PDE1A: variants seen among roughly 807,000 people sequenced by gnomAD.
PDE1A encodes the protein phosphodiesterase 1A.
Under a neutral mutation model 61.7 loss-of-function variants are expected in PDE1A, and 35 were observed. The ratio of observed to expected loss-of-function variants is 0.57; its 90% confidence interval spans 0.43 to 0.75. PDE1A has a LOEUF of 0.75. Ranked by LOEUF, PDE1A falls within the 30% of genes least tolerant of loss-of-function variation. The pLI is 0.00. For missense variants in PDE1A, 597 were observed against 630.6 expected (o/e 0.95, Z 0.57); for synonymous variants, 232 against 213.2 (o/e 1.09, Z -0.77).
intron 1 of PDE1A, among the ~76,000 whole-genome samples, chr2:182,280,139 G>GT (rs139848968): frequency 0.076 from 11,511 of 151,604 alleles, 656 homozygotes; most frequent in Admixed American, 0.18. Context: ...ATGCCTTTGG[G>GT]TTTTTTTTAT....
chr2:182,560,327 C>T, the PDE1A span, among the ~76,000 whole-genome samples: 4 of 149,682 alleles, frequency 2.7e-5, no homozygotes, highest in Non-Finnish European at 3.0e-5. Context: ...GGTTTTTTGT[C>T]CTTGCGATAG....
chr2:182,645,142 C>T, the PDE1A span, among the ~76,000 whole-genome samples: 1 of 151,986 alleles, frequency 6.6e-6, no homozygotes, highest in African/African-American at 2.4e-5. Context: ...CCCGCCACCA[C>T]ACCCAGCTAA....
At chr2:182,451,694 T>C (rs934565576) in intron 2 of PDE1A, among the ~76,000 whole-genome samples, 15 of 152,132 alleles carry the variant, frequency 9.9e-5, no homozygotes, top group Non-Finnish European at 2.1e-4. Flanking sequence ...ACCTATACTC[T>C]AGTTGCTTAA....
At chr2:182,309,555 T>C (rs1319206024) in intron 1 of PDE1A, among the ~76,000 whole-genome samples, 2 of 152,094 alleles carry the variant, frequency 1.3e-5, no homozygotes, top group Non-Finnish European at 2.9e-5. Flanking sequence ...TCTAAGAGTA[T>C]AAAGCATTAA....
chr2:182,409,197 C>G (rs183781862), intron 1 of PDE1A, among the ~76,000 whole-genome samples: 3 of 152,158 alleles, frequency 2.0e-5, no homozygotes, highest in South Asian at 4.1e-4. Context: ...CCTTTTTCCA[C>G]GTCGATTAGC....
rs555224042 is a variant in PDE1A, at chr2:182,141,598, A to G, written c.*1484T>C. The G allele has an allele frequency of 6.6e-5, 10 of 152,366 alleles. No individual in the cohort carries two copies. The East Asian group carries it at 1.9e-3, about 29-fold the overall frequency. 9.4% of individuals were successfully genotyped at this position (152,366 alleles called of 1,614,324 possible). A position where few individuals can be genotyped will look rare whatever the true frequency, so the allele number is the denominator to read the frequency against. ...AATATATCTTAAATTACAATGATGC[A>G]TAATAAATATGCATATAGAATATGG... is the stretch of plus-strand genomic sequence containing the variant. On this transcript the variant is annotated 3_prime_UTR_variant, in exon 15 of 15. Coordinates refer to the PDE1A transcript ENST00000435564.
At chr2:182,558,303 T>G in the PDE1A span, among the ~76,000 whole-genome samples, 1 of 151,980 alleles carries the variant, frequency 6.6e-6, no homozygotes, top group East Asian at 1.9e-4. Flanking sequence ...ATCTAATATA[T>G]ATTATGGCGT....
chr2:182,193,725 A>G (rs576308194), intron 10 of PDE1A, among the ~76,000 whole-genome samples: 1 of 152,256 alleles, frequency 6.6e-6, no homozygotes, highest in South Asian at 2.1e-4. Context: ...ATATAACTAT[A>G]TTTCTGTGAA....
At chr2:182,606,091 T>C in the PDE1A span, among the ~76,000 whole-genome samples, 85,105 of 152,070 alleles carry the variant, frequency 0.56, 24,175 homozygotes, top group Admixed American at 0.67. Flanking sequence ...CTGTGGAAGA[T>C]AGGTATGAAA....
At chr2:182,411,073 A>T (rs1446868354) in intron 1 of PDE1A, among the ~76,000 whole-genome samples, 1 of 152,272 alleles carries the variant, frequency 6.6e-6, no homozygotes, top group Non-Finnish European at 1.5e-5. Context: ...TGTAAGTAGA[A>T]GCCAGATCAA....
chr2:182,383,022 C>A (rs1700820090), intron 1 of PDE1A, among the ~76,000 whole-genome samples: 1 of 152,100 alleles, frequency 6.6e-6, no homozygotes, highest in Non-Finnish European at 1.5e-5. Flanking sequence ...TACGTTAAAA[C>A]CCCAATTAAA....
exon 9 of PDE1A, chr2:182,201,745 A>G (rs1297399611): frequency 1.2e-6 from 2 of 1,612,520 alleles, no homozygotes; most frequent in Non-Finnish European, 8.5e-7. Context: ...GTGACCTGAC[A>G]TGTCTGTAGA....
the PDE1A span, among the ~76,000 whole-genome samples, chr2:182,567,523 T>C: frequency 1.3e-5 from 2 of 152,100 alleles, no homozygotes; most frequent in Non-Finnish European, 2.9e-5. Flanking sequence ...ATATGTCTTC[T>C]CGTCTTCCTT....
At chr2:182,536,014 T>C in the PDE1A span, among the ~76,000 whole-genome samples, 1 of 151,950 alleles carries the variant, frequency 6.6e-6, no homozygotes, top group Non-Finnish European at 1.5e-5. Context: ...AAATAGCGAG[T>C]AGGGTCACTG....
rs780012340 is a variant in PDE1A at position 182,201,431 on chromosome 2, A to G, written c.1125+8T>C. 10 of 1,613,732 alleles carry G rather than the reference A, an allele frequency of 6.2e-6. No homozygotes were observed. Among genetic ancestry groups the G allele is most frequent in the Non-Finnish European group, 8.5e-6 (10 of 1,179,780 alleles). ...CAAAAACATTTGCACAGAGTGTGAA[A>G]GAGGCACCTGCAGGAAAAACTCCTC... On this transcript the variant is annotated splice_region_variant and intron_variant, in intron 10 of 13. Coordinates refer to ENST00000351439, the Ensembl canonical transcript of PDE1A.
intron 1 of PDE1A, among the ~76,000 whole-genome samples, chr2:182,364,148 T>C (rs1336965514): frequency 6.6e-6 from 1 of 151,922 alleles, no homozygotes; most frequent in Non-Finnish European, 1.5e-5. Context: ...TGGCTCTAAG[T>C]ACCTTCCTTC....
At chr2:182,503,060 CACACACACACACAT>C (rs746905003) in intron 2 of PDE1A, among the ~76,000 whole-genome samples, 2,053 of 51,542 alleles carry the variant, frequency 0.04, 22 homozygotes, top group South Asian at 0.2. Flanking sequence ...CACACACACA[CACACACACACACAT>C]ACACACACAC....
the PDE1A span, among the ~76,000 whole-genome samples, chr2:182,696,375 A>G: frequency 1.3e-5 from 2 of 152,240 alleles, no homozygotes; most frequent in Non-Finnish European, 2.9e-5. Context: ...AAGATAACAT[A>G]CTGTATGATT....
chr2:182,290,247 GAAGAA>G (rs1694439044), intron 1 of PDE1A, among the ~76,000 whole-genome samples: 1 of 152,024 alleles, frequency 6.6e-6, no homozygotes, highest in South Asian at 2.1e-4. Context: ...CAAAACTTGA[GAAGAA>G]AAGTATATTG....
Sources: allele counts gnomAD v4.1 joint callset (sites outside exome capture counted in the v4.1 genomes callset), GRCh38; gene constraint gnomAD v4.1.1; transcripts MANE v1.5; gene names NCBI Gene and HGNC (gene_info 2026-07-23, HGNC 2026-07-21).